Variants in CCL24 observed in about 807,000 individuals in gnomAD.
The protein encoded by CCL24 is C-C motif chemokine ligand 24.
In CCL24, 6 loss-of-function variants were observed where a neutral mutation model predicts 8.6. The observed-to-expected ratio is 0.70, with a 90% CI of 0.38 to 1.38. CCL24 has a LOEUF of 1.38. Ranked by LOEUF, CCL24 falls within the 40% of genes most tolerant of loss-of-function variation. The pLI, the probability that CCL24 is intolerant of heterozygous loss-of-function variation, is 0.02. For synonymous variants in CCL24, 59 were observed against 52.7 expected, an observed-to-expected ratio of 1.12 and a Z score of -0.52; for missense variants, 126 against 147.1, an observed-to-expected ratio of 0.86 and a Z score of 0.74.
intron 1 of CCL24, among the ~76,000 whole-genome samples, chr7:75,819,455 A>T (rs1333444718): frequency 2.0e-5 from 3 of 147,738 alleles, no homozygotes; most frequent in Non-Finnish European, 3.0e-5. Flanking sequence ...TGAAACCTCA[A>T]CTCTACAAAA....
At chr7:75,812,739 G>A (rs1204619259) in intron 2 of CCL24, among the ~76,000 whole-genome samples, 7 of 152,094 alleles carry the variant, frequency 4.6e-5, no homozygotes, top group African/African-American at 1.7e-4. Flanking sequence ...AGACCAGCCT[G>A]GTCAACATGG....
rs1803825567 is a variant in CCL24, at chr7:75,813,636, GT to G, written c.73+6del. The G allele has an allele frequency of 1.2e-6, 2 of 1,611,068 alleles. No homozygotes were observed. Among genetic ancestry groups the G allele is most frequent in the African/African-American group, 2.7e-5 (2 of 74,994 alleles). On this transcript the variant is annotated splice_donor_region_variant and intron_variant, in intron 1 of 2. Coordinates refer to ENST00000222902, the MANE Select transcript of CCL24 (RefSeq NM_002991.3). ...CCCTTGGAACTGCATCCTGTCGGAG[GT>G]CTTACCCGTAGGGATGATGTGGTGG...
rs111439568 is a variant in CCL24, at chr7:75,820,160, T to C, written c.-60+3162A>G. Among the ~76,000 whole-genome samples the C allele has an allele frequency of 5.6e-3, 449 of 80,806 alleles. 16 individuals are homozygous for C. Among genetic ancestry groups the C allele is most frequent in the Admixed American group, 9.3e-3 (76 of 8,148 alleles). 53.0% of individuals were successfully genotyped at this position (80,806 alleles called of 152,430 possible). On this transcript the variant is annotated intron_variant, in intron 1 of 3. Transcript: ENST00000416943. ...TCCTCCTCCTCCTCCTCCTTCTCCT[T>C]CTCCTTCTCCTTCTCCTTCTCCTTC...
chr7:75,818,958 A>G (rs1803953331), intron 1 of CCL24, among the ~76,000 whole-genome samples: 1 of 151,396 alleles, frequency 6.6e-6, no homozygotes, highest in African/African-American at 2.4e-5. Context: ...TATATATTAT[A>G]GTAATACAAG....
intron 2 of CCL24, among the ~76,000 whole-genome samples, chr7:75,812,546 G>A (rs11465306): frequency 6.6e-6 from 1 of 151,966 alleles, no homozygotes; most frequent in African/African-American, 2.4e-5. Context: ...AACAATCATC[G>A]CTACCCCATA....
intron 2 of CCL24, 107 bp downstream of exon 2, chr7:75,813,199 C>T (rs1554533654): frequency 4.5e-6 from 3 of 660,898 alleles, no homozygotes; most frequent in African/African-American, 3.6e-5. Flanking sequence ...GAGGTGACTT[C>T]TCCAGGGATG....
At chr7:75,815,842 G>T (rs1286506652), upstream of CCL24, among the ~76,000 whole-genome samples, 1 of 152,104 alleles carries the variant, frequency 6.6e-6, no homozygotes, top group Admixed American at 6.6e-5. Flanking sequence ...GGTAACAATT[G>T]GTCAGCTGCT....
intron 2 of CCL24, among the ~76,000 whole-genome samples, chr7:75,812,884 C>T (rs958213455): frequency 2.5e-4 from 38 of 151,566 alleles, no homozygotes; most frequent in African/African-American, 9.2e-4. Flanking sequence ...GAGCCAAGAT[C>T]GTACCACTGC....
chr7:75,813,280 G>T, intron 2 of CCL24, 26 bp downstream of exon 2: 2 of 1,416,084 alleles, frequency 1.4e-6, no homozygotes, highest in Non-Finnish European at 1.0e-6. Context: ...CCCCTCTCCT[G>T]CCACGTGCCC....
At chr7:75,815,201 C>T (rs117400501), upstream of CCL24, among the ~76,000 whole-genome samples, 1,163 of 151,762 alleles carry the variant, frequency 7.7e-3, 8 homozygotes, top group Non-Finnish European at 0.013. Flanking sequence ...TAGCCAGGCA[C>T]GGTGGTATGC....
chr7:75,812,791 A>T (rs185700403), intron 2 of CCL24, among the ~76,000 whole-genome samples: 1 of 152,060 alleles, frequency 6.6e-6, no homozygotes, highest in Non-Finnish European at 1.5e-5. Context: ...TTAGCCGGGC[A>T]TGGTGGTGCG....
intron 1 of CCL24, among the ~76,000 whole-genome samples, chr7:75,822,021 A>G (rs1804061693): frequency 6.6e-6 from 1 of 151,580 alleles, no homozygotes; most frequent in Admixed American, 6.6e-5. Context: ...AGAATAGCTT[A>G]AACCCGGGAG....
At chr7:75,813,474 C>A (rs1554533731) in intron 1 of CCL24, 51 bp from the exon 2 acceptor site, 22 of 1,417,268 alleles carry the variant, frequency 1.6e-5, no homozygotes, top group Non-Finnish European at 7.0e-6. Context: ...CTCCCCTTGG[C>A]TCTGGGCCTC....
In CCL24 at chr7:75,811,913, C is replaced by A. The variant is rs1803772907; in HGVS notation, c.243G>T (p.Trp81Cys). 1.2e-6 allele frequency: 2 copies of A among 1,609,990 alleles called. No homozygotes were observed. The highest frequency in any genetic ancestry group is 1.1e-5 in the South Asian group (1 of 90,814). The change falls in exon 3 of 3, where the codon TGG (tryptophan) becomes TGT (cysteine). Residue 81 changes from tryptophan to cysteine, a missense_variant. Trp to Cys is a radical substitution (Grantham distance 215). Transcript: ENST00000222902. ...CCAGGTTCTTCATGTACCTCTGGAC[C>A]CACTCCTGCTTGGGGTCGCCACAGA... is the stretch of plus-strand genomic sequence containing the variant. ...QQFCGDPKQE[W>C]VQRYMKNLDA...
chr7:75,821,259 G>A (rs1211571632), intron 1 of CCL24, among the ~76,000 whole-genome samples: 1 of 152,148 alleles, frequency 6.6e-6, no homozygotes, highest in African/African-American at 2.4e-5. Context: ...GGAAGCCACA[G>A]AGATGAAGTC....
At chr7:75,820,970 C>T (rs1198827993) in intron 1 of CCL24, among the ~76,000 whole-genome samples, 3 of 150,646 alleles carry the variant, frequency 2.0e-5, no homozygotes, top group South Asian at 2.1e-4. Context: ...CATCCCTCAT[C>T]GAACCCTGCT....
chr7:75,815,212 G>C (rs782047291), upstream of CCL24, among the ~76,000 whole-genome samples: 1 of 151,956 alleles, frequency 6.6e-6, no homozygotes, highest in Middle Eastern at 3.4e-3. Context: ...GGTGGTATGC[G>C]CCTGTAGTCC....
intron 1 of CCL24, among the ~76,000 whole-genome samples, chr7:75,822,075 C>A (rs1804063170): frequency 6.6e-6 from 1 of 151,988 alleles, no homozygotes; most frequent in Non-Finnish European, 1.5e-5. Context: ...GCACTCTAGC[C>A]TGGGTGACAG....
Position 75,813,650 on chromosome 7 carries a change from G to T in CCL24, c.66C>A (p.Ile22=). The change falls in exon 1 of 3, where the codon ATC becomes ATA. Residue 22 remains isoleucine (I), a synonymous_variant. Transcript: ENST00000222902. ...LFLGVCAHHI[I]PTGSVVIPSP... ...TCCTGTCGGAGGTCTTACCCGTAGG[G>T]ATGATGTGGTGGGCACAGACACCAA... 1 of 1,613,402 alleles carries T rather than the reference G, an allele frequency of 6.2e-7. No homozygotes were observed. Among genetic ancestry groups the T allele is most frequent in the Non-Finnish European group, 8.5e-7 (1 of 1,179,290 alleles).
Sources: gnomAD v4.1 joint callset for allele counts (sites outside exome capture counted in the v4.1 genomes callset) on GRCh38, gnomAD v4.1.1 for gene constraint, MANE v1.5 for transcripts, NCBI Gene and HGNC (gene_info 2026-07-23, HGNC 2026-07-21) for gene names.